USP45: variants seen among roughly 807,000 people sequenced by gnomAD.
USP45 encodes ubiquitin specific peptidase 45, also known as ubiquitin carboxyl-terminal hydrolase 45.
USP45 carries 89 observed loss-of-function variants against 95.8 expected under a neutral mutation model. The observed-to-expected ratio is 0.93, with a 90% CI of 0.78 to 1.11. The LOEUF is 1.11. USP45 is among the 50% of genes least tolerant of loss of function. USP45 has a pLI of 0.00. For missense variants in USP45, 898 were observed against 942.5 expected (o/e 0.95, Z 0.62); for synonymous variants, 281 against 316.2 (o/e 0.89, Z 1.18).
rs912997632 is a variant in USP45, at chr6:99,462,204, A to G, written c.1308+2400T>C. On this transcript the variant is annotated intron_variant, in intron 13 of 17. Coordinates refer to ENST00000500704, the MANE Select transcript of USP45 (RefSeq NM_001346022.3). ...AAAAGTAACAAAAAATATTATATGA[A>G]AAAAATTTTCAATAAAGAGTAGGTC... The G allele has an allele frequency of 6.2e-4, 603 of 977,440 alleles. 3 individuals carry two copies. The African/African-American group carries it at 0.01, about 16-fold the overall frequency. The allele number at this position is 977,440 out of a possible 1,614,324, so 60.5% of individuals were successfully genotyped here.
At chr6:99,453,338 T>C (rs1270092573) in intron 13 of USP45, among the ~76,000 whole-genome samples, 1 of 151,902 alleles carries the variant, frequency 6.6e-6, no homozygotes, top group African/African-American at 2.4e-5. Flanking sequence ...AATCAACATA[T>C]GAAAATCAGT....
chr6:99,472,353 T>G (rs1789634168), intron 9 of USP45, among the ~76,000 whole-genome samples: 1 of 151,822 alleles, frequency 6.6e-6, no homozygotes, highest in Non-Finnish European at 1.5e-5. Flanking sequence ...GTAGCCAGGA[T>G]TACAGACACG....
At position 99,433,233 on chromosome 6, in the gene USP45, A is replaced by C. The variant is rs1582902086; in HGVS notation, c.*2483T>G. The C allele has an allele frequency of 6.5e-6, 1 of 152,724 alleles. No individual in the cohort carries two copies. Among genetic ancestry groups the C allele is most frequent in the East Asian group, 1.9e-4 (1 of 5,188 alleles). 9.5% of individuals were successfully genotyped at this position (152,724 alleles called of 1,614,324 possible). The stretch of plus-strand genomic sequence containing the variant: ...ACATTAAATGACAATATTGGCACAT[A>C]ATCAATATTTTATCATTTTATATTT... On this transcript the variant is annotated 3_prime_UTR_variant, in exon 18 of 18. Coordinates refer to ENST00000500704, the MANE Select transcript of USP45 (RefSeq NM_001346022.3).
intron 17 of USP45, among the ~76,000 whole-genome samples, 169 bp from the exon 18 acceptor site, chr6:99,436,015 T>A (rs916244249): frequency 1.1e-4 from 17 of 152,054 alleles, no homozygotes; most frequent in East Asian, 1.9e-4. Context: ...TTTTTTTTTT[T>A]AAATTATATT....
chr6:99,469,471 A>T (rs866061907), intron 9 of USP45, among the ~76,000 whole-genome samples: 19 of 75,916 alleles, frequency 2.5e-4, no homozygotes, highest in South Asian at 4.5e-4. Flanking sequence ...ATATATATAT[A>T]ATATATATAT....
chr6:99,488,345 T>C, intron 6 of USP45, 50 bp from the exon 7 acceptor site: 1 of 1,214,312 alleles, frequency 8.2e-7, no homozygotes, highest in South Asian at 1.4e-5. Context: ...AATATGCCTC[T>C]GATTTTATGG....
At position 99,454,933 on chromosome 6, in the gene USP45, C is replaced by CA. The variant is rs978970259; in HGVS notation, c.1309-8471dup. Among the ~76,000 whole-genome samples, 43 of 151,250 alleles carry CA rather than the reference C, an allele frequency of 2.8e-4. 1 individual carries two copies. Among genetic ancestry groups the CA allele is most frequent in the African/African-American group, 8.7e-4 (36 of 41,152 alleles). On this transcript the variant is annotated intron_variant, in intron 13 of 17. Coordinates refer to ENST00000500704, the MANE Select transcript of USP45 (RefSeq NM_001346022.3). ...GAAAACCCTGTCTCTACCAAAAATA[C>CA]AAAAAAATAAGCCCGGTGTGATGGC... is the stretch of plus-strand genomic sequence containing the variant.
At chr6:99,499,973 C>T (rs184818518) in intron 5 of USP45, among the ~76,000 whole-genome samples, 206 of 152,318 alleles carry the variant, frequency 1.4e-3, no homozygotes, top group Non-Finnish European at 2.4e-3. Context: ...GATTTAGTGA[C>T]TGTCTTATCA....
At chr6:99,443,426 G>C (rs1388359310) in intron 15 of USP45, 139 bp downstream of exon 15, 1 of 519,610 alleles carries the variant, frequency 1.9e-6, no homozygotes, top group Non-Finnish European at 3.4e-6. Flanking sequence ...ATTATGGCTA[G>C]ATGAGCAGTA....
intron 8 of USP45, among the ~76,000 whole-genome samples, chr6:99,478,235 T>G (rs919231216): frequency 1.0e-4 from 15 of 150,378 alleles, no homozygotes; most frequent in African/African-American, 2.4e-4. Context: ...TTTTTTTTTT[T>G]TTTTTTTTTA....
In USP45 at chr6:99,434,944, A is replaced by G. The variant is rs1780231255; in HGVS notation, c.*772T>C. On this transcript the variant is annotated 3_prime_UTR_variant, in exon 18 of 18. Coordinates refer to ENST00000500704, the MANE Select transcript of USP45 (RefSeq NM_001346022.3). ...AAGAGATATGTTTATGAAATGCCTCAATATAATTCTAGTTTTTCAAAACCT... is the reference window on the plus strand; with the variant it reads ...AAGAGATATGTTTATGAAATGCCTCGATATAATTCTAGTTTTTCAAAACCT... The G allele has an allele frequency of 6.6e-6, 1 of 152,304 alleles. No homozygotes were observed. The highest frequency in any genetic ancestry group is 2.1e-4 in the South Asian group (1 of 4,832). The allele number at this position is 152,304 out of a possible 1,614,324, so 9.4% of individuals were successfully genotyped here. A position where few individuals can be genotyped will look rare whatever the true frequency, so the allele number is the denominator to read the frequency against.
intron 13 of USP45, among the ~76,000 whole-genome samples, chr6:99,448,859 G>T (rs906496758): frequency 2.0e-5 from 3 of 152,212 alleles, no homozygotes; most frequent in African/African-American, 7.2e-5. Flanking sequence ...AGAAGAGATT[G>T]GGGGCCAATA....
chr6:99,445,650 G>A, intron 14 of USP45, 147 bp downstream of exon 14: 1 of 615,410 alleles, frequency 1.6e-6, no homozygotes, highest in Non-Finnish European at 2.7e-6. Flanking sequence ...AGTATTGTAA[G>A]CGCTCAGGTA....
chr6:99,485,553 T>C (rs1456594604), intron 7 of USP45, among the ~76,000 whole-genome samples: 1 of 152,106 alleles, frequency 6.6e-6, no homozygotes. Flanking sequence ...TGGTTACTCA[T>C]GTGGGTTAGG....
At chr6:99,491,459 T>C (rs1025488871) in intron 5 of USP45, among the ~76,000 whole-genome samples, 3 of 152,124 alleles carry the variant, frequency 2.0e-5, no homozygotes, top group African/African-American at 7.2e-5. Context: ...CAAAAGGTGG[T>C]TTCATAGTGA....
intron 8 of USP45, among the ~76,000 whole-genome samples, chr6:99,479,181 CACACAT>C (rs958136473): frequency 3.5e-5 from 5 of 141,502 alleles, no homozygotes; most frequent in Non-Finnish European, 6.3e-5. Flanking sequence ...CACACACACA[CACACAT>C]ACACAAAGTG....
intron 13 of USP45, among the ~76,000 whole-genome samples, chr6:99,447,536 C>T (rs1782796996): frequency 6.6e-6 from 1 of 152,144 alleles, no homozygotes; most frequent in African/African-American, 2.4e-5. Context: ...GTAAACAAAG[C>T]GGCCGGCCAG....
intron 14 of USP45, 70 bp from the exon 15 acceptor site, chr6:99,443,732 T>G: frequency 4.0e-6 from 4 of 990,706 alleles, no homozygotes; most frequent in Non-Finnish European, 5.8e-6. Flanking sequence ...AATAAAAATT[T>G]ATACAGAAGT....
At chr6:99,516,226 C>A (rs369185006), upstream of USP45, among the ~76,000 whole-genome samples, 2 of 152,198 alleles carry the variant, frequency 1.3e-5, no homozygotes, top group South Asian at 4.1e-4. Flanking sequence ...ACACCTATAC[C>A]TCCTCAAAGC....
Sources: gnomAD v4.1 joint callset for allele counts (sites outside exome capture counted in the v4.1 genomes callset) on GRCh38, gnomAD v4.1.1 for gene constraint, MANE v1.5 for transcripts, NCBI Gene and HGNC (gene_info 2026-07-23, HGNC 2026-07-21) for gene names.